MACF1: variants seen among roughly 807,000 people sequenced by gnomAD.
MACF1 encodes microtubule-actin cross-linking factor 1.
Under a neutral mutation model 854.8 loss-of-function variants are expected in MACF1, and 193 were observed. The observed-to-expected ratio is 0.23, with a 90% CI of 0.20 to 0.25. MACF1 has a LOEUF of 0.25. Among genes scored for constraint, MACF1 ranks in the 10% least tolerant of loss-of-function variants. The probability of loss-of-function intolerance (pLI) is 1.00; values close to 1 mark genes in which losing one functional copy is unlikely to be tolerated. For missense variants in MACF1, 7,722 were observed against 8,929.1 expected (o/e 0.86, Z 5.45); for synonymous variants, 3,185 against 3,226.7 (o/e 0.99, Z 0.44).
intron 70 of MACF1, chr1:39,436,457 G>A (rs1245919354): frequency 6.8e-6 from 11 of 1,613,744 alleles, no homozygotes; most frequent in African/African-American, 1.3e-5. Flanking sequence ...TTTCATTGTT[G>A]TGTTGACCGC....
In MACF1 at chr1:39,336,027, C is replaced by T; in HGVS notation, c.9439C>T (p.Gln3147Ter). ...QGTTRQETNY[Q>*]DSWVTSKTKE... ...AACCACCAGACAGGAGACCAACTAT[C>T]AAGATTCCTGGGTTACTTCGAAAAC... Residue 3147 changes from glutamine to a stop codon, truncating the protein, a stop_gained, in exon 37 of 101, where the codon CAA becomes TAA. Transcript: ENST00000564288. LOFTEE classifies it high-confidence loss of function. The T allele has an allele frequency of 6.2e-7, 1 of 1,614,126 alleles. No homozygotes were observed. Among genetic ancestry groups the T allele is most frequent in the Non-Finnish European group, 8.5e-7 (1 of 1,180,016 alleles).
Position 39,105,425 on chromosome 1 carries a change from C to A in MACF1, c.220+20987C>A. 1 of 987,774 alleles carries A rather than the reference C, an allele frequency of 1.0e-6. No individual in the cohort carries two copies. Among genetic ancestry groups the A allele is most frequent in the Non-Finnish European group, 1.2e-6 (1 of 832,596 alleles). 61.2% of individuals were successfully genotyped at this position (987,774 alleles called of 1,614,324 possible). A position where few individuals can be genotyped will look rare whatever the true frequency, so the allele number is the denominator to read the frequency against. ...AACGCGAGCCGGGACCGGCGGAGCG[C>A]GAGCGGGCCGGGTGCGAGCGGACTG... On this transcript the variant is annotated intron_variant, in intron 2 of 93. Transcript: ENST00000361689. The surrounding 1 kb of genome is among the most constrained non-coding windows in gnomAD (Gnocchi z 5.9).
At chr1:39,381,383 G>GC (rs1401873545) in intron 55 of MACF1, among the ~76,000 whole-genome samples, 1 of 142,586 alleles carries the variant, frequency 7.0e-6, no homozygotes, top group Non-Finnish European at 1.5e-5. Context: ...TTTTTTGGGG[G>GC]GGGGGACAGG....
chr1:39,358,334 G>T (rs1314637489), intron 45 of MACF1, among the ~76,000 whole-genome samples: 2 of 152,176 alleles, frequency 1.3e-5, no homozygotes, highest in Admixed American at 1.3e-4. Flanking sequence ...TTAGAATCCA[G>T]TCAGCTCTTC....
chr1:39,359,058 A>G (rs1020689207), intron 46 of MACF1, 83 bp from the exon 47 acceptor site: 7 of 1,541,508 alleles, frequency 4.5e-6, no homozygotes, highest in African/African-American at 1.4e-5. Context: ...ATTATTCTGT[A>G]AAGCTGTTCA....
intron 2 of MACF1, among the ~76,000 whole-genome samples, chr1:39,238,684 AG>A (rs1644887135): frequency 6.6e-6 from 1 of 152,194 alleles, no homozygotes; most frequent in Non-Finnish European, 1.5e-5. Context: ...GAGAAGCTAG[AG>A]GAACACATCA....
At chr1:39,144,076 G>A (rs1557480225) in intron 2 of MACF1, among the ~76,000 whole-genome samples, 1 of 138,598 alleles carries the variant, frequency 7.2e-6, no homozygotes, top group African/African-American at 2.7e-5. Flanking sequence ...TGTGAGCCAC[G>A]GCGCTTTTTT....
At chr1:39,196,761 A>G (rs556988521) in intron 2 of MACF1, among the ~76,000 whole-genome samples, 6 of 152,340 alleles carry the variant, frequency 3.9e-5, no homozygotes, top group Admixed American at 2.0e-4. Context: ...GTAAATCTCA[A>G]TGACATTTGA....
At position 39,245,982 on chromosome 1, in the gene MACF1, G is replaced by T. The variant is rs553482132; in HGVS notation, c.172-4032G>T. On this transcript the variant is annotated intron_variant, in intron 2 of 100. Transcript: ENST00000564288. The stretch of plus-strand genomic sequence containing the variant: ...CAAAAGCACTCTTACTTATTTGTAG[G>T]AAAGTTAAAAAACTTTCTTAGTCTT... Among the ~76,000 whole-genome samples, 4 of 152,282 alleles carry T rather than the reference G, an allele frequency of 2.6e-5. No homozygotes were observed. In the South Asian group the frequency reaches 8.3e-4, roughly 32 times the overall value.
rs758147915 is a variant in MACF1, at chr1:39,340,812, G to T, written c.10440G>T (p.Val3480=). ...TTCCATTTATTTCTTAGACTAAAGT[G>T]TTAAATCAGCACACACAGCTAGAAG... is the stretch of plus-strand genomic sequence containing the variant. The part of the protein sequence containing the change: ...QNAVEIEKTK[V]LNQHTQLEGR... Residue 3480 remains valine (V), a synonymous_variant, in exon 40 of 101, where the codon GTG becomes GTT. Transcript: ENST00000564288. 9 of 1,612,940 alleles carry T rather than the reference G, an allele frequency of 5.6e-6. No individual in the cohort carries two copies. Among genetic ancestry groups the T allele is most frequent in the Non-Finnish European group, 7.6e-6 (9 of 1,179,732 alleles).
chr1:39,338,333 G>A (rs1646863616), intron 38 of MACF1, among the ~76,000 whole-genome samples: 1 of 151,768 alleles, frequency 6.6e-6, no homozygotes, highest in Non-Finnish European at 1.5e-5. Context: ...TTAGAAGTTA[G>A]AAAGCAGCTG....
At chr1:39,280,688 G>A (rs1040128277) in intron 6 of MACF1, among the ~76,000 whole-genome samples, 2 of 151,828 alleles carry the variant, frequency 1.3e-5, no homozygotes, top group Non-Finnish European at 2.9e-5. Flanking sequence ...AGCGATTCTC[G>A]TGCCTCAGCC....
intron 67 of MACF1, 28 bp from the exon 68 acceptor site, chr1:39,433,020 C>T: frequency 7.1e-7 from 1 of 1,414,506 alleles, no homozygotes; most frequent in Non-Finnish European, 9.9e-7. Context: ...GGTCTTTTTA[C>T]TTCTTAACTA....
Position 39,356,992 on chromosome 1 carries a change from A to G in MACF1, c.11425-383A>G, listed in dbSNP as rs541189984. Among the ~76,000 whole-genome samples, 44 of 152,310 alleles carry G rather than the reference A, an allele frequency of 2.9e-4. 1 individual carries two copies. The highest frequency in any genetic ancestry group is 1.1e-3 in the African/African-American group (44 of 41,578). The stretch of plus-strand genomic sequence containing the variant: ...TTCAGAGGGGATTAGCATGTGGCAT[A>G]CTGTTTAGAGAGTGACTGATATTGG... On this transcript the variant is annotated intron_variant, in intron 44 of 100. Transcript: ENST00000564288.
At chr1:39,195,902 A>T (rs1325103142) in intron 2 of MACF1, among the ~76,000 whole-genome samples, 2 of 152,190 alleles carry the variant, frequency 1.3e-5, no homozygotes, top group Admixed American at 1.3e-4. Context: ...TAGACAGATT[A>T]GGTAATTTAG....
At chr1:39,438,109 A>AAGGC in intron 71 of MACF1, 101 bp downstream of exon 71, 4 of 1,078,006 alleles carry the variant, frequency 3.7e-6, no homozygotes, top group Non-Finnish European at 5.3e-6. Context: ...TTTGAATGTA[A>AAGGC]AGGCAGTCCC....
At chr1:39,412,667 A>G (rs1643071855) in intron 58 of MACF1, 3 of 1,613,988 alleles carry the variant, frequency 1.9e-6, no homozygotes, top group Non-Finnish European at 2.5e-6. Context: ...GAAAGGAGAG[A>G]TTCAGATTCA....
Position 39,416,676 on chromosome 1 carries a change from C to T in MACF1, c.15817-5698C>T, listed in dbSNP as rs78958520. 7.4e-3 allele frequency among the ~76,000 whole-genome samples: 1,133 copies of T among 152,302 alleles called. 16 individuals carry two copies. Among genetic ancestry groups the T allele is most frequent in the African/African-American group, 0.025 (1,043 of 41,558 alleles). ...CAAAATGAGTAGATGGCTACATAAT[C>T]TCTAACTATCCTTCCAGCTACAGGA... On this transcript the variant is annotated intron_variant, in intron 58 of 100. Transcript: ENST00000564288.
intron 58 of MACF1, among the ~76,000 whole-genome samples, chr1:39,393,464 T>A (rs1397066018): frequency 6.6e-6 from 1 of 151,314 alleles, no homozygotes; most frequent in East Asian, 1.9e-4. Flanking sequence ...ATTTATATTG[T>A]TGTGTATTTG....
Sources: allele counts gnomAD v4.1 joint callset (sites outside exome capture counted in the v4.1 genomes callset), GRCh38; gene constraint gnomAD v4.1.1; non-coding constraint Gnocchi (gnomAD v3.1); transcripts MANE v1.5; gene names NCBI Gene and HGNC (gene_info 2026-07-23, HGNC 2026-07-21).